The following RAD54L2 variants were observed in gnomAD, a reference collection of about 807,000 sequenced individuals.
RAD54L2 encodes the protein helicase ARIP4.
RAD54L2 carries 27 observed loss-of-function variants against 138.4 expected under a neutral mutation model. The observed-to-expected ratio is 0.20, with a 90% CI of 0.14 to 0.27. The LOEUF (loss-of-function observed/expected upper bound fraction) is 0.27. RAD54L2 is among the 10% of genes least tolerant of loss of function. The pLI is 1.00. For synonymous variants in RAD54L2, 644 were observed against 723.2 expected, an observed-to-expected ratio of 0.89 and a Z score of 1.76; for missense variants, 1,396 against 1,890.2, an observed-to-expected ratio of 0.74 and a Z score of 4.85.
rs1380844457 is a variant in RAD54L2, at chr3:51,590,396, T to C, written c.-25T>C. ...CCTGCAGTGGACCATGAGTCGGTAA[T>C]GCCCACTGAGGACCTCTGGGAGCCA... is the stretch of plus-strand genomic sequence containing the variant. On this transcript the variant is annotated 5_prime_UTR_variant, in exon 3 of 23. It removes an upstream start codon present in the reference 5' UTR. Transcript: ENST00000684192. 6.6e-7 allele frequency: 1 copy of C among 1,504,812 alleles called. No homozygotes were observed. Among genetic ancestry groups the C allele is most frequent in the Non-Finnish European group, 8.9e-7 (1 of 1,122,466 alleles). The allele number at this position is 1,504,812 out of a possible 1,614,324, so 93.2% of individuals were successfully genotyped here. A position where few individuals can be genotyped will look rare whatever the true frequency, so the allele number is the denominator to read the frequency against.
intron 3 of RAD54L2, among the ~76,000 whole-genome samples, chr3:51,594,241 G>A (rs1267292940): frequency 6.6e-6 from 1 of 151,576 alleles, no homozygotes; most frequent in Non-Finnish European, 1.5e-5. Context: ...GCCTGGCTAA[G>A]TTTTTGTATT....
At chr3:51,571,509 C>T (rs1452875567) in intron 2 of RAD54L2, among the ~76,000 whole-genome samples, 1 of 151,786 alleles carries the variant, frequency 6.6e-6, no homozygotes, top group East Asian at 1.9e-4. Flanking sequence ...CTCCCTCAGC[C>T]TCCCAAGTAA....
Position 51,666,909 on chromosome 3 carries a change from A to G in RAD54L2, c.*3489A>G, listed in dbSNP as rs909087659. On this transcript the variant is annotated 3_prime_UTR_variant, in exon 23 of 23. Transcript: ENST00000684192. ...ATATGCTTGTGATTCACAACTAAAT[A>G]TGAAATTTCTCAATTCAGGAGCAGG... is the stretch of plus-strand genomic sequence containing the variant. 3 of 152,230 alleles carry G rather than the reference A, an allele frequency of 2.0e-5. No homozygotes were observed. Among genetic ancestry groups the G allele is most frequent in the African/African-American group, 7.2e-5 (3 of 41,444 alleles). 9.4% of individuals were successfully genotyped at this position (152,230 alleles called of 1,614,324 possible). A position where few individuals can be genotyped will look rare whatever the true frequency, so the allele number is the denominator to read the frequency against.
intron 2 of RAD54L2, among the ~76,000 whole-genome samples, chr3:51,545,210 G>T (rs941163138): frequency 6.7e-6 from 1 of 150,132 alleles, no homozygotes; most frequent in Non-Finnish European, 1.5e-5. Flanking sequence ...TTTTGTTTTT[G>T]AGACGGAGTC....
At position 51,645,845 on chromosome 3, in the gene RAD54L2, T is replaced by A. The variant is rs1701265773; in HGVS notation, c.2829+82T>A. The A allele has an allele frequency of 7.2e-7, 1 of 1,382,570 alleles. No individual in the cohort carries two copies. The highest frequency in any genetic ancestry group is 1.5e-5 in the African/African-American group (1 of 68,364). The allele number at this position is 1,382,570 out of a possible 1,614,324, so 85.6% of individuals were successfully genotyped here. Reference sequence around the variant, plus strand: ...CTTGTCTTGTAAGCTTTTTTCTTCATCTGAGGTGATGTTTCATGCAGGTGA... The same window carrying A: ...CTTGTCTTGTAAGCTTTTTTCTTCAACTGAGGTGATGTTTCATGCAGGTGA... On this transcript the variant is annotated intron_variant, in intron 18 of 22. Coordinates refer to ENST00000684192, the MANE Select transcript of RAD54L2 (RefSeq NM_015106.4). The surrounding 1 kb of genome is among the most constrained non-coding windows in gnomAD (Gnocchi z 6.1).
At chr3:51,601,802 C>T (rs1426834776) in intron 3 of RAD54L2, among the ~76,000 whole-genome samples, 2 of 151,608 alleles carry the variant, frequency 1.3e-5, no homozygotes, top group African/African-American at 4.8e-5. Flanking sequence ...AGTAGTATTC[C>T]ACTTTATGGA....
chr3:51,557,417 A>G (rs1483691541), intron 2 of RAD54L2, among the ~76,000 whole-genome samples: 1 of 151,764 alleles, frequency 6.6e-6, no homozygotes, highest in Non-Finnish European at 1.5e-5. Flanking sequence ...TCTTGGGCTC[A>G]AGCTATCCTC....
At chr3:51,593,879 T>A (rs1303193874) in intron 3 of RAD54L2, among the ~76,000 whole-genome samples, 1 of 152,084 alleles carries the variant, frequency 6.6e-6, no homozygotes, top group Non-Finnish European at 1.5e-5. Flanking sequence ...TTTTCAGATG[T>A]TTTTCTACGT....
intron 2 of RAD54L2, among the ~76,000 whole-genome samples, chr3:51,545,829 C>T (rs951443680): frequency 3.3e-5 from 5 of 151,330 alleles, no homozygotes; most frequent in East Asian, 1.9e-4. Context: ...GATCCTTCTG[C>T]GTTGGCCTCC....
Position 51,660,029 on chromosome 3 carries a change from C to A in RAD54L2, c.3320C>A (p.Thr1107Lys). ...SIHIIRGTKGTYIRTSDGRIF... is the reference protein window; with the variant it reads ...SIHIIRGTKGKYIRTSDGRIF... The stretch of plus-strand genomic sequence containing the variant: ...TCTTCTTCGTGTCTATTCTTAGGGA[C>A]GTACATCCGTACCAGTGATGGACGG... Residue 1107 changes from threonine (T) to lysine (K), a missense_variant, in exon 22 of 23, where the codon ACG (threonine) becomes AAG (lysine). By Grantham distance (78) the Thr-to-Lys change is moderately conservative. Transcript: ENST00000684192. 6.4e-7 allele frequency: 1 copy of A among 1,574,600 alleles called. No homozygotes were observed. The highest frequency in any genetic ancestry group is 8.7e-7 in the Non-Finnish European group (1 of 1,149,220).
intron 3 of RAD54L2, among the ~76,000 whole-genome samples, chr3:51,608,006 C>A (rs1202341880): frequency 6.8e-6 from 1 of 147,108 alleles, no homozygotes; most frequent in African/African-American, 2.5e-5. Flanking sequence ...AGCTGCGGGG[C>A]GGAGATGCTC....
At chr3:51,660,185 A>G in intron 22 of RAD54L2, 67 bp downstream of exon 22, 1 of 1,294,204 alleles carries the variant, frequency 7.7e-7, no homozygotes, top group South Asian at 1.3e-5. Context: ...TTGGTTAGGT[A>G]TTAACTTATT....
At chr3:51,621,485 G>C (rs147063347) in intron 3 of RAD54L2, among the ~76,000 whole-genome samples, 19 of 152,322 alleles carry the variant, frequency 1.2e-4, no homozygotes, top group Non-Finnish European at 2.5e-4. Context: ...TAATAAATCT[G>C]TTGGTGATAT....
At chr3:51,608,512 A>G (rs1479603472) in intron 3 of RAD54L2, among the ~76,000 whole-genome samples, 1 of 152,076 alleles carries the variant, frequency 6.6e-6, no homozygotes, top group Non-Finnish European at 1.5e-5. Context: ...CGGAGATCAC[A>G]CCACTGCACT....
intron 3 of RAD54L2, among the ~76,000 whole-genome samples, chr3:51,612,085 TA>T: frequency 6.6e-6 from 1 of 152,294 alleles, no homozygotes; most frequent in East Asian, 1.9e-4. Context: ...GGACTTTGGT[TA>T]AAAACATAAA....
chr3:51,610,326 G>C (rs967585041), intron 3 of RAD54L2, among the ~76,000 whole-genome samples: 4 of 151,934 alleles, frequency 2.6e-5, no homozygotes, highest in Non-Finnish European at 5.9e-5. Context: ...CTTTGGGACC[G>C]GGCATGGTGG....
intron 2 of RAD54L2, among the ~76,000 whole-genome samples, chr3:51,559,458 G>T (rs1419310347): frequency 6.6e-6 from 1 of 152,196 alleles, no homozygotes; most frequent in African/African-American, 2.4e-5. Flanking sequence ...CCTCCCCTGA[G>T]TGCTTCAGAT....
At chr3:51,567,068 T>C (rs774997270) in intron 2 of RAD54L2, among the ~76,000 whole-genome samples, 1 of 152,202 alleles carries the variant, frequency 6.6e-6, no homozygotes. Context: ...CCTTTTTAGC[T>C]TTTTTGAGCC....
chr3:51,633,370 C>T (rs1269386830), intron 7 of RAD54L2, among the ~76,000 whole-genome samples: 1 of 152,190 alleles, frequency 6.6e-6, no homozygotes, highest in Non-Finnish European at 1.5e-5. Context: ...TTACACTGTA[C>T]TAGTGAATCC....
Sources: allele counts gnomAD v4.1 joint callset (sites outside exome capture counted in the v4.1 genomes callset), GRCh38; gene constraint gnomAD v4.1.1; non-coding constraint Gnocchi (gnomAD v3.1); transcripts MANE v1.5; gene names NCBI Gene and HGNC (gene_info 2026-07-23, HGNC 2026-07-21).